The following C8orf34 variants were observed in gnomAD, a reference collection of about 807,000 sequenced individuals.
C8orf34 encodes the protein uncharacterized protein C8orf34.
C8orf34 carries 65 observed loss-of-function variants against 68.3 expected under a neutral mutation model. That is an observed-to-expected ratio of 0.95 (90% CI 0.78 to 1.17). The LOEUF (loss-of-function observed/expected upper bound fraction) is 1.17. Among genes scored for constraint, C8orf34 ranks in the 50% most tolerant of loss-of-function variants. The probability of loss-of-function intolerance (pLI) is 0.00; values close to 1 mark genes in which losing one functional copy is unlikely to be tolerated. For missense variants in C8orf34, 664 were observed against 655.4 expected (o/e 1.01, Z -0.14); for synonymous variants, 244 against 241.2 (o/e 1.01, Z -0.11).
chr8:68,782,366 G>A (rs533845747), intron 11 of C8orf34, among the ~76,000 whole-genome samples: 7 of 150,752 alleles, frequency 4.6e-5, no homozygotes, highest in Non-Finnish European at 1.0e-4. Flanking sequence ...TTAAAAAAAA[G>A]CAAGTTAAAG....
chr8:68,802,991 A>G (rs1316469543), intron 12 of C8orf34, among the ~76,000 whole-genome samples: 3 of 152,146 alleles, frequency 2.0e-5, no homozygotes, highest in East Asian at 1.9e-4. Flanking sequence ...GTAGTCGTAT[A>G]TCTATTAAAA....
intron 10 of C8orf34, among the ~76,000 whole-genome samples, chr8:68,775,456 G>A (rs1293422832): frequency 6.6e-6 from 1 of 151,332 alleles, no homozygotes; most frequent in Non-Finnish European, 1.5e-5. Context: ...ATGAGTTTGG[G>A]ATATATGTTT....
intron 10 of C8orf34, among the ~76,000 whole-genome samples, chr8:68,731,565 A>G: frequency 6.6e-6 from 1 of 152,292 alleles, no homozygotes; most frequent in African/African-American, 2.4e-5. Context: ...GCTTTTCTTT[A>G]ATTTACATTA....
intron 10 of C8orf34, among the ~76,000 whole-genome samples, chr8:68,747,254 T>C (rs1245317162): frequency 1.3e-5 from 2 of 151,380 alleles, no homozygotes; most frequent in African/African-American, 4.8e-5. Flanking sequence ...AAGAGCTATC[T>C]ATGACAAATC....
At chr8:68,684,878 T>G in intron 8 of C8orf34, among the ~76,000 whole-genome samples, 1 of 152,076 alleles carries the variant, frequency 6.6e-6, no homozygotes, top group East Asian at 1.9e-4. Context: ...AAAAAACTTT[T>G]TGTGTGGTAA....
chr8:68,612,039 G>C (rs945851140), intron 7 of C8orf34, among the ~76,000 whole-genome samples: 11 of 151,992 alleles, frequency 7.2e-5, no homozygotes, highest in African/African-American at 2.7e-4. Context: ...AAGATCACTT[G>C]GGACATGAAG....
intron 11 of C8orf34, among the ~76,000 whole-genome samples, chr8:68,777,400 G>A (rs62520986): frequency 3.9e-5 from 6 of 152,158 alleles, no homozygotes; most frequent in African/African-American, 1.4e-4. Flanking sequence ...AAGAAAAATA[G>A]GCTTGTTTTC....
intron 11 of C8orf34, among the ~76,000 whole-genome samples, chr8:68,783,671 T>C (rs1328667498): frequency 3.9e-5 from 6 of 152,198 alleles, no homozygotes; most frequent in Non-Finnish European, 4.4e-5. Context: ...CTGTCCCCAC[T>C]TTTCTGGGCG....
intron 3 of C8orf34, among the ~76,000 whole-genome samples, chr8:68,453,197 A>C (rs1215218339): frequency 6.6e-6 from 1 of 151,980 alleles, no homozygotes; most frequent in African/African-American, 2.4e-5. Flanking sequence ...TGAAATTGGG[A>C]AGTATGAGTC....
chr8:68,741,752 C>G lies in C8orf34; in HGVS notation c.1404+20315C>G, dbSNP rs192527863. Among the ~76,000 whole-genome samples, 9 of 152,270 alleles carry G rather than the reference C, an allele frequency of 5.9e-5. No individual in the cohort carries two copies. The East Asian group carries it at 1.7e-3, about 29-fold the overall frequency. ...GTCTTTTGGTGCCTGGCTTATTTTA[C>G]TCAACATTATCTCCTCCAGATCCAT... On this transcript the variant is annotated intron_variant, in intron 10 of 13. Transcript: ENST00000518698.
chr8:68,616,696 A>T (rs1329775107), intron 7 of C8orf34, among the ~76,000 whole-genome samples: 4 of 151,448 alleles, frequency 2.6e-5, no homozygotes, highest in East Asian at 1.9e-4. Context: ...TGCTGAGGAG[A>T]GCTTTACTTC....
chr8:68,454,444 T>A (rs1275264129), intron 3 of C8orf34, among the ~76,000 whole-genome samples: 2 of 152,062 alleles, frequency 1.3e-5, no homozygotes, highest in Non-Finnish European at 2.9e-5. Context: ...AAATCTTTAC[T>A]TGTTATAAGT....
intron 4 of C8orf34, among the ~76,000 whole-genome samples, chr8:68,487,421 TAA>T (rs1301101340): frequency 6.6e-6 from 1 of 152,074 alleles, no homozygotes; most frequent in Non-Finnish European, 1.5e-5. Flanking sequence ...GGAGAAAGGA[TAA>T]AGATAGAAAT....
intron 10 of C8orf34, among the ~76,000 whole-genome samples, chr8:68,731,254 C>T (rs1254572584): frequency 6.6e-6 from 1 of 152,134 alleles, no homozygotes; most frequent in African/African-American, 2.4e-5. Context: ...TACACATTTG[C>T]AGGGTTCTTT....
intron 5 of C8orf34, among the ~76,000 whole-genome samples, chr8:68,490,444 C>T (rs994101366): frequency 6.6e-6 from 1 of 152,064 alleles, no homozygotes; most frequent in African/African-American, 2.4e-5. Context: ...ATTATGGATG[C>T]CCTGACACCC....
intron 7 of C8orf34, among the ~76,000 whole-genome samples, chr8:68,569,563 G>C (rs1816702167): frequency 1.3e-5 from 2 of 152,206 alleles, no homozygotes; most frequent in South Asian, 4.1e-4. Context: ...CCATACCTGT[G>C]ACTGCCTGAC....
chr8:68,688,283 A>T (rs1294369776), intron 8 of C8orf34, among the ~76,000 whole-genome samples: 3 of 152,084 alleles, frequency 2.0e-5, no homozygotes, highest in Non-Finnish European at 2.9e-5. Context: ...ATAAGTAATT[A>T]TATGAAGAAG....
At chr8:68,428,387 C>T (rs541433677) in intron 1 of C8orf34, among the ~76,000 whole-genome samples, 2 of 151,944 alleles carry the variant, frequency 1.3e-5, no homozygotes, top group Non-Finnish European at 2.9e-5. Context: ...GAGAGAGTTA[C>T]AAGACACAAC....
At chr8:68,800,171 G>A (rs950169496) in intron 12 of C8orf34, among the ~76,000 whole-genome samples, 17 of 152,190 alleles carry the variant, frequency 1.1e-4, no homozygotes, top group Non-Finnish European at 2.5e-4. Context: ...GAACTCTAAT[G>A]AGAGCATTTA....
Sources: gnomAD v4.1 joint callset for allele counts (sites outside exome capture counted in the v4.1 genomes callset) on GRCh38, gnomAD v4.1.1 for gene constraint, MANE v1.5 for transcripts, NCBI Gene and HGNC (gene_info 2026-07-23, HGNC 2026-07-21) for gene names.